FKBP1A: variants seen among roughly 807,000 people sequenced by gnomAD.
FKBP1A encodes the protein FKBP prolyl isomerase 1A.
FKBP1A carries 5 observed loss-of-function variants against 14.2 expected under a neutral mutation model. The ratio of observed to expected loss-of-function variants is 0.35; its 90% CI spans 0.18 to 0.74. The LOEUF is 0.74. Among genes scored for constraint, FKBP1A ranks in the 30% least tolerant of loss-of-function variants. FKBP1A has a pLI of 0.56. For missense variants in FKBP1A, 53 were observed against 138.8 expected, an observed-to-expected ratio of 0.38 and a Z score of 3.10; for synonymous variants, 42 against 49.1, an observed-to-expected ratio of 0.86 and a Z score of 0.60.
intron 4 of FKBP1A, chr20:1,371,825 A>T (rs2089468443): frequency 1.7e-6 from 2 of 1,167,996 alleles, no homozygotes; most frequent in Non-Finnish European, 2.1e-6. Context: ...ACATAGAAAA[A>T]CATTTAAACA....
At chr20:1,373,940 G>A (rs2089503831) in intron 3 of FKBP1A, among the ~76,000 whole-genome samples, 3 of 152,202 alleles carry the variant, frequency 2.0e-5, no homozygotes, top group Admixed American at 6.5e-5. Flanking sequence ...CTGCCCTGCA[G>A]GAACAGAAAC....
At chr20:1,378,188 G>A (rs2089573985) in intron 2 of FKBP1A, 1 of 152,244 alleles carries the variant, frequency 6.6e-6, no homozygotes, top group African/African-American at 2.4e-5. Context: ...AGGATAAGAT[G>A]TCTGGAGCAT....
chr20:1,380,328 A>T (rs1403997712), intron 2 of FKBP1A, among the ~76,000 whole-genome samples: 1 of 152,132 alleles, frequency 6.6e-6, no homozygotes, highest in African/African-American at 2.4e-5. Context: ...AGAGATCTGC[A>T]GGGTCCTCTT....
Position 1,392,891 on chromosome 20 carries a change from C to T in FKBP1A, c.38-10G>A. The stretch of plus-strand genomic sequence containing the variant: ...TTGGGGAAGGTGCGCCCTGAGGAGA[C>T]AGAGACGGGCATGCTGAGCCGATGC... On this transcript the variant is annotated splice_polypyrimidine_tract_variant and intron_variant, in intron 1 of 4. Coordinates refer to ENST00000400137, the MANE Select transcript of FKBP1A (RefSeq NM_000801.5). 1.3e-6 allele frequency: 2 copies of T among 1,535,862 alleles called. No homozygotes were observed. The highest frequency in any genetic ancestry group is 1.2e-5 in the South Asian group (1 of 83,296).
chr20:1,372,005 C>T lies in FKBP1A; in HGVS notation c.*36+71G>A, dbSNP rs879187230. ...TGGTGTTTTTTGTTCTCTCTGCTAC[C>T]CATCAAACGCTGGGCATAACATGGG... On this transcript the variant is annotated intron_variant, in intron 4 of 4. Coordinates refer to ENST00000400137, the MANE Select transcript of FKBP1A (RefSeq NM_000801.5). 4.0e-5 allele frequency: 62 copies of T among 1,546,948 alleles called. No homozygotes were observed. The South Asian group carries it at 7.7e-4, about 19-fold the overall frequency.
intron 2 of FKBP1A, among the ~76,000 whole-genome samples, chr20:1,375,842 G>A (rs2089534587): frequency 6.6e-6 from 1 of 152,090 alleles, no homozygotes; most frequent in Non-Finnish European, 1.5e-5. Flanking sequence ...AGGACCCCGC[G>A]TACCAGAGAT....
rs2089758479 is a variant in FKBP1A at position 1,392,901 on chromosome 20, C to T, written c.38-20G>A. 8 of 1,511,214 alleles carry T rather than the reference C, an allele frequency of 5.3e-6. No homozygotes were observed. Among genetic ancestry groups the T allele is most frequent in the African/African-American group, 2.9e-5 (2 of 70,156 alleles). 93.6% of individuals were successfully genotyped at this position (1,511,214 alleles called of 1,614,324 possible). A position where few individuals can be genotyped will look rare whatever the true frequency, so the allele number is the denominator to read the frequency against. Reference sequence around the variant, plus strand: ...TGCGCCCTGAGGAGACAGAGACGGGCATGCTGAGCCGATGCGCGCGGCGGC... The same window carrying T: ...TGCGCCCTGAGGAGACAGAGACGGGTATGCTGAGCCGATGCGCGCGGCGGC... On this transcript the variant is annotated intron_variant, in intron 1 of 4. Transcript: ENST00000400137.
chr20:1,384,045 C>T (rs1269387483), intron 2 of FKBP1A, among the ~76,000 whole-genome samples: 2 of 152,214 alleles, frequency 1.3e-5, no homozygotes, highest in East Asian at 3.9e-4. Context: ...TACTTGGAGA[C>T]TCATAAAACT....
intron 2 of FKBP1A, chr20:1,377,808 C>T (rs1229115370): frequency 6.6e-6 from 1 of 152,138 alleles, no homozygotes; most frequent in Non-Finnish European, 1.5e-5. Flanking sequence ...AGTAACCCAC[C>T]CAAGGTCAGA....
intron 2 of FKBP1A, among the ~76,000 whole-genome samples, chr20:1,392,597 G>A (rs1169583191): frequency 6.6e-6 from 1 of 152,136 alleles, no homozygotes; most frequent in Admixed American, 6.5e-5. Flanking sequence ...GCTTCTGACG[G>A]GTCAGATAAC....
intron 4 of FKBP1A, chr20:1,370,643 C>T: frequency 1.0e-6 from 1 of 985,362 alleles, no homozygotes; most frequent in Non-Finnish European, 1.2e-6. Context: ...TTGGATTTTC[C>T]TTCCAGACTC....
At position 1,381,199 on chromosome 20, in the gene FKBP1A, A is replaced by G. The variant is rs144928035; in HGVS notation, c.86-5596T>C. 1.5e-3 allele frequency among the ~76,000 whole-genome samples: 232 copies of G among 152,376 alleles called. 2 individuals are homozygous for G. Among genetic ancestry groups the G allele is most frequent in the African/African-American group, 5.2e-3 (218 of 41,594 alleles). On this transcript the variant is annotated intron_variant, in intron 2 of 4. Coordinates refer to ENST00000400137, the MANE Select transcript of FKBP1A (RefSeq NM_000801.5). Reference sequence around the variant, plus strand: ...CTGGGAGAAAACTTTTGCAAAGTACATATCTGATAGAGGACTTATATCCAG... The same window carrying G: ...CTGGGAGAAAACTTTTGCAAAGTACGTATCTGATAGAGGACTTATATCCAG...
chr20:1,376,137 T>C (rs935727839), intron 2 of FKBP1A, among the ~76,000 whole-genome samples: 4 of 152,096 alleles, frequency 2.6e-5, no homozygotes, highest in Admixed American at 2.6e-4. Context: ...GGTTCACTAA[T>C]TGTGACCTAC....
chr20:1,390,149 G>C (rs865841210), intron 2 of FKBP1A, among the ~76,000 whole-genome samples: 1 of 152,082 alleles, frequency 6.6e-6, no homozygotes, highest in Non-Finnish European at 1.5e-5. Flanking sequence ...GATGGCTAAG[G>C]GGAGATTTTG....
At chr20:1,390,535 C>A (rs2089722851) in intron 2 of FKBP1A, among the ~76,000 whole-genome samples, 1 of 152,168 alleles carries the variant, frequency 6.6e-6, no homozygotes, top group Non-Finnish European at 1.5e-5. Context: ...ATGATTATTT[C>A]TTTTCCCTTC....
At position 1,375,608 on chromosome 20, in the gene FKBP1A, G is replaced by GAA; in HGVS notation, c.86-7_86-6dup. ...TCTTTCCATCTTCAAGCATCCCTGTGAAAAAGACGACTGTAACATGAGCAG... is the reference window on the plus strand; with the variant it reads ...TCTTTCCATCTTCAAGCATCCCTGTGAAAAAAAGACGACTGTAACATGAGCAG... On this transcript the variant is annotated splice_region_variant and splice_polypyrimidine_tract_variant and intron_variant, in intron 2 of 4. Coordinates refer to ENST00000400137, the MANE Select transcript of FKBP1A (RefSeq NM_000801.5). The GAA allele has an allele frequency of 6.3e-7, 1 of 1,598,182 alleles. No homozygotes were observed. The highest frequency in any genetic ancestry group is 2.2e-5 in the East Asian group (1 of 44,774).
At chr20:1,374,383 T>C (rs1445282386) in intron 3 of FKBP1A, 1 of 152,196 alleles carries the variant, frequency 6.6e-6, no homozygotes, top group Non-Finnish European at 1.5e-5. Flanking sequence ...GAAATGACTT[T>C]CTCCATAAGT....
intron 2 of FKBP1A, among the ~76,000 whole-genome samples, chr20:1,383,684 T>TA (rs34991787): frequency 0.32 from 39,735 of 125,206 alleles, 6,669 homozygotes; most frequent in East Asian, 0.66. Flanking sequence ...TGCAAAAAAT[T>TA]AAAAAAAAAA....
intron 2 of FKBP1A, among the ~76,000 whole-genome samples, chr20:1,384,571 T>C (rs1256305231): frequency 6.6e-6 from 1 of 152,264 alleles, no homozygotes; most frequent in East Asian, 1.9e-4. Flanking sequence ...ACAGAAGCCA[T>C]GTCACTTTTA....
Sources: allele counts gnomAD v4.1 joint callset (sites outside exome capture counted in the v4.1 genomes callset), GRCh38; gene constraint gnomAD v4.1.1; transcripts MANE v1.5; gene names NCBI Gene and HGNC (gene_info 2026-07-23, HGNC 2026-07-21).